PAPPA: variants seen among roughly 807,000 people sequenced by gnomAD.
PAPPA encodes pappalysin-1.
In PAPPA, 60 loss-of-function variants were observed where a neutral mutation model predicts 164.0. The observed-to-expected ratio is 0.37, with a 90% CI of 0.30 to 0.45. The LOEUF (loss-of-function observed/expected upper bound fraction) is 0.45. PAPPA is among the 20% of genes least tolerant of loss of function. The probability of loss-of-function intolerance (pLI) is 1.00; values close to 1 mark genes in which losing one functional copy is unlikely to be tolerated. For missense variants in PAPPA, 1,782 were observed against 2,087.3 expected, an observed-to-expected ratio of 0.85 and a Z score of 2.85; for synonymous variants, 875 against 814.1, an observed-to-expected ratio of 1.07 and a Z score of -1.27.
chr9:116,297,900 T>C (rs1483148360), intron 9 of PAPPA, among the ~76,000 whole-genome samples: 1 of 152,188 alleles, frequency 6.6e-6, no homozygotes, highest in Non-Finnish European at 1.5e-5. Flanking sequence ...CAGAACCTTG[T>C]TGAGAAAGTC....
intron 2 of PAPPA, among the ~76,000 whole-genome samples, chr9:116,207,222 G>C (rs1844246937): frequency 1.3e-5 from 2 of 152,120 alleles, no homozygotes; most frequent in South Asian, 4.1e-4. Context: ...CTACCTCTGT[G>C]TTCATAAGAA....
At chr9:116,209,079 C>T (rs1275982501) in intron 3 of PAPPA, among the ~76,000 whole-genome samples, 1 of 152,040 alleles carries the variant, frequency 6.6e-6, no homozygotes, top group Non-Finnish European at 1.5e-5. Flanking sequence ...GTCAATAGTG[C>T]TGAGGTTGAG....
chr9:116,241,069 T>A (rs758535109), intron 7 of PAPPA, among the ~76,000 whole-genome samples: 10 of 152,354 alleles, frequency 6.6e-5, no homozygotes, highest in Middle Eastern at 3.4e-3. Context: ...GAGATGTTTA[T>A]ATGATCTGGG....
At position 116,203,410 on chromosome 9, in the gene PAPPA, G is replaced by A. The variant is rs151078933; in HGVS notation, c.1479-4046G>A. ...CTTGAAGGATACTTTTAAGTGATAC[G>A]GAGATAATAAAGATTTGGTCCCAAC... On this transcript the variant is annotated intron_variant, in intron 2 of 21. Coordinates refer to ENST00000328252, the MANE Select transcript of PAPPA (RefSeq NM_002581.5). Among the ~76,000 whole-genome samples, 6 of 152,196 alleles carry A rather than the reference G, an allele frequency of 3.9e-5. No homozygotes were observed. In the East Asian group the frequency reaches 5.8e-4, roughly 15 times the overall value.
intron 9 of PAPPA, chr9:116,288,983 C>T (rs1845379910): frequency 6.6e-6 from 1 of 151,842 alleles, no homozygotes; most frequent in African/African-American, 2.4e-5. Context: ...TGGTGCCTGA[C>T]TCATCCTCGA....
chr9:116,284,121 G>T lies in PAPPA; in HGVS notation c.2953+12705G>T, dbSNP rs533699255. ...CTAGACACCAAGGATGCCTGTGTTT[G>T]TGACAGTTCCTGTCTTCCAGAAAGT... On this transcript the variant is annotated intron_variant, in intron 9 of 21. Transcript: ENST00000328252. Among the ~76,000 whole-genome samples the T allele has an allele frequency of 4.6e-5, 7 of 152,260 alleles. No homozygotes were observed. The East Asian group carries it at 1.4e-3, about 29-fold the overall frequency.
At chr9:116,303,066 T>C in intron 10 of PAPPA, 116 bp downstream of exon 10, 1 of 732,778 alleles carries the variant, frequency 1.4e-6, no homozygotes, top group Non-Finnish European at 2.2e-6. Flanking sequence ...GAGCATATCT[T>C]TATTAAATGT....
intron 7 of PAPPA, among the ~76,000 whole-genome samples, chr9:116,261,615 T>C (rs1845002351): frequency 6.6e-6 from 1 of 152,226 alleles, no homozygotes; most frequent in Admixed American, 6.5e-5. Flanking sequence ...TTTAAATGCA[T>C]ATTTAAGCTT....
At chr9:116,365,816 T>C (rs1225421444) in intron 18 of PAPPA, among the ~76,000 whole-genome samples, 1 of 152,078 alleles carries the variant, frequency 6.6e-6, no homozygotes, top group African/African-American at 2.4e-5. Flanking sequence ...CCTCTCACCA[T>C]CTCTCCTGTT....
intron 7 of PAPPA, among the ~76,000 whole-genome samples, 182 bp downstream of exon 7, chr9:116,235,819 C>G (rs148321454): frequency 9.9e-5 from 15 of 152,122 alleles, no homozygotes; most frequent in African/African-American, 3.6e-4. Context: ...ATGGGAAGAG[C>G]AATAGGGAAG....
chr9:116,322,264 G>C (rs573636081), intron 10 of PAPPA, among the ~76,000 whole-genome samples: 1 of 152,168 alleles, frequency 6.6e-6, no homozygotes, highest in South Asian at 2.1e-4. Context: ...ACAAAAATTA[G>C]CTGGGTGTGG....
In PAPPA at chr9:116,315,348, G is replaced by T. The variant is rs77365528; in HGVS notation, c.3147+12398G>T. Among the ~76,000 whole-genome samples the T allele has an allele frequency of 1.6e-4, 25 of 152,220 alleles. No homozygotes were observed. In the East Asian group the frequency reaches 4.6e-3, roughly 28 times the overall value. On this transcript the variant is annotated intron_variant, in intron 10 of 21. Transcript: ENST00000328252. ...GCCTCCATAATCTATCCTCACCCCC[G>T]GAATGTTCACTGCACAGTGAGAAGG...
At chr9:116,296,755 G>T (rs1845513712) in intron 9 of PAPPA, among the ~76,000 whole-genome samples, 1 of 152,154 alleles carries the variant, frequency 6.6e-6, no homozygotes, top group Non-Finnish European at 1.5e-5. Flanking sequence ...GTGGAGAAAT[G>T]AAACGGAATT....
intron 13 of PAPPA, among the ~76,000 whole-genome samples, chr9:116,336,171 T>C (rs1034546869): frequency 2.6e-5 from 4 of 152,088 alleles, no homozygotes; most frequent in Middle Eastern, 3.2e-3. Context: ...GTTGTGATTT[T>C]TGTAGGCTAC....
At chr9:116,375,962 A>G (rs112986864) in intron 19 of PAPPA, among the ~76,000 whole-genome samples, 1 of 151,884 alleles carries the variant, frequency 6.6e-6, no homozygotes, top group Non-Finnish European at 1.5e-5. Context: ...TAAAGAAATA[A>G]TTGTAATCTG....
At chr9:116,224,350 A>G (rs755928446) in intron 5 of PAPPA, among the ~76,000 whole-genome samples, 36 of 152,314 alleles carry the variant, frequency 2.4e-4, no homozygotes, top group Non-Finnish European at 4.9e-4. Context: ...TGGACTGAAA[A>G]CCAAGAAACC....
chr9:116,227,509 G>A lies in PAPPA; in HGVS notation c.2190G>A (p.Met730Ile), dbSNP rs2118723654. 1 of 1,614,136 alleles carries A rather than the reference G, an allele frequency of 6.2e-7. No homozygotes were observed. The highest frequency in any genetic ancestry group is 1.1e-5 in the South Asian group (1 of 91,084). The change falls in exon 6 of 22, where the codon ATG (methionine) becomes ATA (isoleucine). Residue 730 changes from methionine to isoleucine, a missense_variant. Physicochemically the swap from Met to Ile is conservative, Grantham distance 10. Coordinates refer to ENST00000328252, the MANE Select transcript of PAPPA (RefSeq NM_002581.5). ...ATGCTTCCAACGCTTCCTCCCCAAT[G>A]CCCTGCAGCCCATCAGGACACTGGA... is the stretch of plus-strand genomic sequence containing the variant. ...VQYASNASSPMPCSPSGHWSP... is the reference protein window; with the variant it reads ...VQYASNASSPIPCSPSGHWSP...
intron 9 of PAPPA, among the ~76,000 whole-genome samples, chr9:116,300,340 T>C (rs1845565152): frequency 6.6e-6 from 1 of 152,120 alleles, no homozygotes; most frequent in Non-Finnish European, 1.5e-5. Context: ...TGCAGTGGTG[T>C]GATCACTACT....
chr9:116,345,032 T>C (rs1349398165), intron 14 of PAPPA, among the ~76,000 whole-genome samples: 6 of 152,192 alleles, frequency 3.9e-5, no homozygotes, highest in Non-Finnish European at 7.3e-5. Flanking sequence ...AGAACATAAT[T>C]GAATGGGCTG....
Sources: gnomAD v4.1 joint callset for allele counts (sites outside exome capture counted in the v4.1 genomes callset) on GRCh38, gnomAD v4.1.1 for gene constraint, MANE v1.5 for transcripts, NCBI Gene and HGNC (gene_info 2026-07-23, HGNC 2026-07-21) for gene names.